The following P4HA1 variants were observed in gnomAD, a reference collection of about 807,000 sequenced individuals.
P4HA1 encodes the protein prolyl 4-hydroxylase subunit alpha-1.
In P4HA1, 24 loss-of-function variants were observed where a neutral mutation model predicts 72.8. The ratio of observed to expected loss-of-function variants is 0.33; its 90% confidence interval spans 0.24 to 0.46. The LOEUF (loss-of-function observed/expected upper bound fraction) is 0.46, where lower values mean the gene tolerates loss of function less well. Among genes scored for constraint, P4HA1 ranks in the 20% least tolerant of loss-of-function variants. P4HA1 has a pLI of 1.00. For missense variants in P4HA1, 446 were observed against 640.6 expected (o/e 0.70, Z 3.28); for synonymous variants, 201 against 218.8 (o/e 0.92, Z 0.72).
chr10:73,092,508 G>A (rs1285675490), intron 1 of P4HA1, among the ~76,000 whole-genome samples: 1 of 148,670 alleles, frequency 6.7e-6, no homozygotes, highest in East Asian at 2.0e-4. Flanking sequence ...GCAACCTCAT[G>A]CCCCCTTAAT....
intron 5 of P4HA1, chr10:73,065,390 C>T (rs975341580): frequency 1.3e-5 from 2 of 152,058 alleles, no homozygotes; most frequent in Non-Finnish European, 2.9e-5. Flanking sequence ...CATTAAAATA[C>T]CAACAAAGCA....
chr10:73,068,826 G>T lies in P4HA1; in HGVS notation c.463+20C>A, dbSNP rs778271060. On this transcript the variant is annotated intron_variant, in intron 5 of 14. Coordinates refer to ENST00000394890, the MANE Select transcript of P4HA1 (RefSeq NM_001017962.3). ...GAAGCTAGGTGATAGGTATTTTATA[G>T]AATGGAAGAATGATCTTACCTGGAA... is the stretch of plus-strand genomic sequence containing the variant. The T allele has an allele frequency of 1.3e-6, 2 of 1,598,746 alleles. No homozygotes were observed. The highest frequency in any genetic ancestry group is 1.1e-5 in the South Asian group (1 of 90,676).
intron 1 of P4HA1, among the ~76,000 whole-genome samples, chr10:73,092,445 G>A (rs1369567926): frequency 1.4e-5 from 2 of 147,686 alleles, no homozygotes; most frequent in African/African-American, 5.0e-5. Flanking sequence ...CAACTCTTGG[G>A]CTCAAGCGAC....
chr10:73,095,084 G>A (rs946718966), intron 1 of P4HA1, among the ~76,000 whole-genome samples: 5 of 152,004 alleles, frequency 3.3e-5, no homozygotes, highest in African/African-American at 4.8e-5. Context: ...CAAAAACAAT[G>A]GCAGGACTTA....
At chr10:73,043,982 G>A (rs779942423) in intron 9 of P4HA1, 5 of 1,576,312 alleles carry the variant, frequency 3.2e-6, no homozygotes, top group East Asian at 2.2e-5. Context: ...AAAGGACAAG[G>A]ACTTACTCCA....
At chr10:73,094,349 C>A (rs1165074921) in intron 1 of P4HA1, among the ~76,000 whole-genome samples, 2 of 152,126 alleles carry the variant, frequency 1.3e-5, no homozygotes, top group Non-Finnish European at 2.9e-5. Context: ...AACTTCACAT[C>A]TCTTACTTTT....
intron 1 of P4HA1, among the ~76,000 whole-genome samples, chr10:73,079,144 C>G (rs1480500748): frequency 6.6e-6 from 1 of 152,156 alleles, no homozygotes; most frequent in East Asian, 1.9e-4. Flanking sequence ...CTACATTTCA[C>G]TTTCTCTTTT....
chr10:73,051,844 T>C (rs192444173), intron 6 of P4HA1, among the ~76,000 whole-genome samples: 180 of 152,288 alleles, frequency 1.2e-3, no homozygotes, highest in African/African-American at 4.3e-3. Flanking sequence ...ACTAATCAGC[T>C]AAAGGAACTA....
chr10:73,061,466 A>C (rs1299778478), intron 5 of P4HA1, among the ~76,000 whole-genome samples: 1 of 152,252 alleles, frequency 6.6e-6, no homozygotes, highest in Non-Finnish European at 1.5e-5. Context: ...GGGACTTAAC[A>C]GACATAATTT....
At chr10:73,042,749 C>A (rs1343359289) in intron 9 of P4HA1, among the ~76,000 whole-genome samples, 1 of 151,412 alleles carries the variant, frequency 6.6e-6, no homozygotes, top group Non-Finnish European at 1.5e-5. Context: ...GGGGATTTTA[C>A]CTATCAGGGG....
chr10:73,061,319 CAT>C (rs1472710563), intron 5 of P4HA1, among the ~76,000 whole-genome samples: 1 of 152,012 alleles, frequency 6.6e-6, no homozygotes, highest in Non-Finnish European at 1.5e-5. Context: ...GTGTAGGAAA[CAT>C]AGGCATTAAA....
intron 9 of P4HA1, among the ~76,000 whole-genome samples, chr10:73,040,682 G>C (rs191149917): frequency 1.3e-5 from 2 of 151,902 alleles, no homozygotes; most frequent in East Asian, 3.9e-4. Context: ...CCATGTTTGT[G>C]AGGATGGTCT....
At chr10:73,080,821 G>A (rs990137502) in intron 1 of P4HA1, among the ~76,000 whole-genome samples, 8 of 152,100 alleles carry the variant, frequency 5.3e-5, no homozygotes, top group African/African-American at 7.2e-5. Context: ...CCAGCTACTC[G>A]GGAGGCTGAG....
intron 8 of P4HA1, among the ~76,000 whole-genome samples, chr10:73,046,327 G>A (rs1364722030): frequency 6.6e-6 from 1 of 152,150 alleles, no homozygotes; most frequent in Non-Finnish European, 1.5e-5. Flanking sequence ...GAAAAGGCAA[G>A]AGCATAAAGG....
intron 8 of P4HA1, 117 bp downstream of exon 8, chr10:73,046,808 A>C (rs1326320993): frequency 1.3e-6 from 1 of 793,310 alleles, no homozygotes; most frequent in African/African-American, 1.7e-5. Flanking sequence ...TGCTGAGGCA[A>C]AATATCTTTA....
chr10:73,029,358 C>T (rs897281489), intron 10 of P4HA1, among the ~76,000 whole-genome samples: 6 of 146,118 alleles, frequency 4.1e-5, no homozygotes, highest in African/African-American at 1.5e-4. Flanking sequence ...TGTAGTGAGT[C>T]GAGATCATGT....
At chr10:73,029,638 C>CCTATTT (rs1228549647) in intron 10 of P4HA1, among the ~76,000 whole-genome samples, 4 of 139,446 alleles carry the variant, frequency 2.9e-5, no homozygotes, top group African/African-American at 1.2e-4. Context: ...TAGGCCTATG[C>CCTATTT]TTAGTTTTTT....
At position 73,082,466 on chromosome 10, in the gene P4HA1, G is replaced by C. The variant is rs531632621; in HGVS notation, c.-32-7551C>G. The C allele has an allele frequency of 7.9e-5, 12 of 152,234 alleles. No individual in the cohort carries two copies. The South Asian group carries it at 1.4e-3, about 18-fold the overall frequency. The allele number at this position is 152,234 out of a possible 1,614,324, so 9.4% of individuals were successfully genotyped here. ...AAATCATTCAAAAATTAATAAGGCA[G>C]ACTAAAGAGTGCTTGATATTCTCTT... On this transcript the variant is annotated intron_variant, in intron 1 of 14. Coordinates refer to ENST00000394890, the MANE Select transcript of P4HA1 (RefSeq NM_001017962.3).
At chr10:73,086,618 T>C (rs555341803) in intron 1 of P4HA1, among the ~76,000 whole-genome samples, 6 of 152,242 alleles carry the variant, frequency 3.9e-5, no homozygotes, top group African/African-American at 1.4e-4. Context: ...TATTACTCAA[T>C]AAAACTGTTT....
Sources: allele counts gnomAD v4.1 joint callset (sites outside exome capture counted in the v4.1 genomes callset), GRCh38; gene constraint gnomAD v4.1.1; transcripts MANE v1.5; gene names NCBI Gene and HGNC (gene_info 2026-07-23, HGNC 2026-07-21).